Variants in SHISA3 observed in about 807,000 individuals in gnomAD.
SHISA3 encodes the protein protein shisa-3 homolog.
A neutral mutation model predicts 19.2 loss-of-function variants in SHISA3; 15 were observed. The observed-to-expected ratio is 0.78, with a 90% CI of 0.52 to 1.20. SHISA3 has a LOEUF of 1.20. Ranked by LOEUF, SHISA3 falls within the 50% of genes most tolerant of loss-of-function variation. The pLI, the probability that SHISA3 is intolerant of heterozygous loss-of-function variation, is 0.00. For synonymous variants in SHISA3, 145 were observed against 135.2 expected (o/e 1.07, Z -0.50); for missense variants, 327 against 315.7 (o/e 1.04, Z -0.27).
At position 42,398,008 on chromosome 4, in the gene SHISA3, C is replaced by G; in HGVS notation, c.-49C>G. 1.4e-6 allele frequency: 2 copies of G among 1,467,036 alleles called. No homozygotes were observed. The highest frequency in any genetic ancestry group is 9.0e-7 in the Non-Finnish European group (1 of 1,110,660). 90.9% of individuals were successfully genotyped at this position (1,467,036 alleles called of 1,614,324 possible). A position where few individuals can be genotyped will look rare whatever the true frequency, so the allele number is the denominator to read the frequency against. On this transcript the variant is annotated 5_prime_UTR_variant, in exon 1 of 2. Transcript: ENST00000319234. ...CGCCCTGAGCCCGGGCTCAGCCCTT[C>G]GCTTTCCAGCTGCGTCCTGCTCCCG...
intron 1 of SHISA3, 85 bp downstream of exon 1, chr4:42,398,418 G>T (rs900907592): frequency 1.4e-6 from 2 of 1,384,360 alleles, no homozygotes; most frequent in East Asian, 5.1e-5. Context: ...ACAGACCCAG[G>T]CAGGTCTATG....
In SHISA3 at chr4:42,397,521, C is replaced by T. The variant is rs1395974201; in HGVS notation, c.-536C>T. On this transcript the variant is annotated 5_prime_UTR_variant, in exon 1 of 2. Coordinates refer to ENST00000319234, the MANE Select transcript of SHISA3 (RefSeq NM_001080505.3). ...CGCGGCCGTTTGTACTTGGCCGCGGCGGAGCTGACTCCTGCTCCTGTGACA... is the reference window on the plus strand; with the variant it reads ...CGCGGCCGTTTGTACTTGGCCGCGGTGGAGCTGACTCCTGCTCCTGTGACA... 6.6e-6 allele frequency among the ~76,000 whole-genome samples: 1 copy of T among 152,216 alleles called. No homozygotes were observed. The highest frequency in any genetic ancestry group is 1.9e-4 in the East Asian group (1 of 5,186).
rs775682458 is a variant in SHISA3 at position 42,401,298 on chromosome 4, G to C, written c.564G>C (p.Leu188=). The C allele has an allele frequency of 6.2e-7, 1 of 1,614,096 alleles. No homozygotes were observed. The change falls in exon 2 of 2, where the codon CTG becomes CTC. Residue 188 remains leucine, a synonymous_variant. Transcript: ENST00000319234. ...TTGCCAGGGCTGAGCCGGGCTGCCTGGTGCCCTCACCGCCCCCGCCATACA... is the reference window on the plus strand; with the variant it reads ...TTGCCAGGGCTGAGCCGGGCTGCCTCGTGCCCTCACCGCCCCCGCCATACA... ...FSFARAEPGC[L]VPSPPPPYTT...
intron 1 of SHISA3, among the ~76,000 whole-genome samples, chr4:42,398,624 G>C (rs569110751): frequency 2.0e-5 from 3 of 152,122 alleles, no homozygotes; most frequent in Non-Finnish European, 4.4e-5. Flanking sequence ...CCTGGTAGCC[G>C]GGGGGAAGAC....
Position 42,402,202 on chromosome 4 carries a change from T to C in SHISA3, c.*751T>C, listed in dbSNP as rs1711943141. The C allele has an allele frequency of 6.6e-6, 1 of 152,208 alleles. No homozygotes were observed. Among genetic ancestry groups the C allele is most frequent in the Admixed American group, 6.5e-5 (1 of 15,286 alleles). 9.4% of individuals were successfully genotyped at this position (152,208 alleles called of 1,614,324 possible). ...GCAACATTTAGTGTTTCAGTGAAAG[T>C]TGGACAGTTGGGGCTTAAAACATTT... On this transcript the variant is annotated 3_prime_UTR_variant, in exon 2 of 2. Transcript: ENST00000319234.
chr4:42,398,628 G>A (rs981494370), intron 1 of SHISA3, among the ~76,000 whole-genome samples: 10 of 152,276 alleles, frequency 6.6e-5, no homozygotes, highest in African/African-American at 2.2e-4. Context: ...GTAGCCGGGG[G>A]GAAGACAGCT....
rs1711764794 is a variant in SHISA3, at chr4:42,397,558, G to A, written c.-499G>A. Among the ~76,000 whole-genome samples the A allele has an allele frequency of 6.6e-6, 1 of 152,180 alleles. No homozygotes were observed. Among genetic ancestry groups the A allele is most frequent in the Admixed American group, 6.5e-5 (1 of 15,288 alleles). On this transcript the variant is annotated 5_prime_UTR_variant, in exon 1 of 2. Transcript: ENST00000319234. ...CTGCTCCTGTGACAGATAGGGGCTG[G>A]GGCTGAGCGGCCGCCTGTCTGGGGT...
In SHISA3 at chr4:42,398,327, A is replaced by G. The variant is rs1454272136; in HGVS notation, c.271A>G (p.Thr91Ala). Residue 91 changes from threonine to alanine, a missense_variant, in exon 1 of 2, where the codon ACT (threonine) becomes GCT (alanine). By Grantham distance (58) the Thr-to-Ala change is moderately conservative. Transcript: ENST00000319234. ...CCGCGAACTGGAGCACCCAGGCATC[A>G]CTGCGCGTAAGTGCGGGGCCCTCGG... The part of the protein sequence containing the change: ...DRRELEHPGI[T>A]AQPVYVPFLI... The G allele has an allele frequency of 6.4e-7, 1 of 1,551,926 alleles. No homozygotes were observed. Among genetic ancestry groups the G allele is most frequent in the East Asian group, 2.4e-5 (1 of 41,528 alleles).
At position 42,398,156 on chromosome 4, in the gene SHISA3, G is replaced by T. The variant is rs1201985292; in HGVS notation, c.100G>T (p.Val34Leu). 1.9e-6 allele frequency: 3 copies of T among 1,606,186 alleles called. No individual in the cohort carries two copies. In the African/African-American group the frequency reaches 4.0e-5, roughly 21 times the overall value. Reference protein sequence around the residue: ...SGEYCHGWVDVQGNYHEGFQC... With the variant: ...SGEYCHGWVDLQGNYHEGFQC... Reference sequence around the variant, plus strand: ...AGAGTACTGCCACGGCTGGGTGGACGTGCAGGGCAACTACCACGAGGGCTT... The same window carrying T: ...AGAGTACTGCCACGGCTGGGTGGACTTGCAGGGCAACTACCACGAGGGCTT... Residue 34 changes from valine (V) to leucine (L), a missense_variant, in exon 1 of 2, where the codon GTG becomes TTG. Physicochemically the swap from Val to Leu is conservative, Grantham distance 32. Coordinates refer to ENST00000319234, the MANE Select transcript of SHISA3 (RefSeq NM_001080505.3).
chr4:42,399,603 G>A (rs1711849643), intron 1 of SHISA3, among the ~76,000 whole-genome samples: 1 of 152,240 alleles, frequency 6.6e-6, no homozygotes, highest in Non-Finnish European at 1.5e-5. Flanking sequence ...CGGCTCGGAT[G>A]CCAGAGGACA....
In SHISA3 at chr4:42,397,793, C is replaced by G. The variant is rs1711779010; in HGVS notation, c.-264C>G. 1.4e-5 allele frequency: 6 copies of G among 428,640 alleles called. No homozygotes were observed. Among genetic ancestry groups the G allele is most frequent in the Non-Finnish European group, 2.1e-5 (5 of 243,866 alleles). 26.6% of individuals were successfully genotyped at this position (428,640 alleles called of 1,614,324 possible). On this transcript the variant is annotated 5_prime_UTR_variant, in exon 1 of 2. Transcript: ENST00000319234. ...CGAAGGGCGGCAGCGACAGCCCCAGCAACTGCCTCTGCCGGCGCCTCCCGC... is the reference window on the plus strand; with the variant it reads ...CGAAGGGCGGCAGCGACAGCCCCAGGAACTGCCTCTGCCGGCGCCTCCCGC...
Position 42,400,410 on chromosome 4 carries a change from C to A in SHISA3, c.278-602C>A, listed in dbSNP as rs1285046868. On this transcript the variant is annotated intron_variant, in intron 1 of 1. Coordinates refer to ENST00000319234, the MANE Select transcript of SHISA3 (RefSeq NM_001080505.3). Reference sequence around the variant, plus strand: ...ATTCCAAATCTTTCCTGGAAAGAAGCAGCCAGAGCTGGCAATTTGTGGTGT... The same window carrying A: ...ATTCCAAATCTTTCCTGGAAAGAAGAAGCCAGAGCTGGCAATTTGTGGTGT... Among the ~76,000 whole-genome samples, 5 of 152,280 alleles carry A rather than the reference C, an allele frequency of 3.3e-5. No individual in the cohort carries two copies. In the East Asian group the frequency reaches 7.7e-4, roughly 24 times the overall value.
chr4:42,399,029 G>A (rs1711833194), intron 1 of SHISA3, among the ~76,000 whole-genome samples: 1 of 152,112 alleles, frequency 6.6e-6, no homozygotes, highest in Non-Finnish European at 1.5e-5. Flanking sequence ...GAAAACACGG[G>A]TCAAATTTCC....
intron 1 of SHISA3, among the ~76,000 whole-genome samples, chr4:42,400,193 A>G (rs562742702): frequency 9.8e-5 from 15 of 152,310 alleles, no homozygotes; most frequent in Non-Finnish European, 1.9e-4. Context: ...GCCCAAGGGG[A>G]TGCCTCCGGG....
rs756114988 is a variant in SHISA3 at position 42,397,816 on chromosome 4, C to A, written c.-241C>A. ...AGCAACTGCCTCTGCCGGCGCCTCC[C>A]GCAGGCCCTCGCCAACTCGCCCCGC... On this transcript the variant is annotated 5_prime_UTR_variant, in exon 1 of 2. Coordinates refer to ENST00000319234, the MANE Select transcript of SHISA3 (RefSeq NM_001080505.3). 1 of 441,542 alleles carries A rather than the reference C, an allele frequency of 2.3e-6. No individual in the cohort carries two copies. 27.4% of individuals were successfully genotyped at this position (441,542 alleles called of 1,614,324 possible). A position where few individuals can be genotyped will look rare whatever the true frequency, so the allele number is the denominator to read the frequency against.
Position 42,398,212 on chromosome 4 carries a change from C to T in SHISA3, c.156C>T (p.Asp52=). ...FQCPEDFDTL[D]ATICCGSCAL... is the part of the protein sequence containing the mutation. ...GCCCAGAGGACTTCGACACGCTGGACGCTACCATCTGCTGCGGCTCCTGCG... is the reference window on the plus strand; with the variant it reads ...GCCCAGAGGACTTCGACACGCTGGATGCTACCATCTGCTGCGGCTCCTGCG... Residue 52 remains aspartate (D), a synonymous_variant, in exon 1 of 2, where the codon GAC becomes GAT. Coordinates refer to ENST00000319234, the MANE Select transcript of SHISA3 (RefSeq NM_001080505.3). 6.2e-7 allele frequency: 1 copy of T among 1,600,218 alleles called. No individual in the cohort carries two copies.
chr4:42,397,761 A>G lies in SHISA3; in HGVS notation c.-296A>G. ...CGCCCCTCGCGCGGGGAGCGCTATG[A>G]GCCGGGCGAAGGGCGGCAGCGACAG... On this transcript the variant is annotated 5_prime_UTR_variant, in exon 1 of 2. It removes the in-frame stop codon of an upstream open reading frame in the 5' UTR. Transcript: ENST00000319234. 2.7e-6 allele frequency: 1 copy of G among 371,586 alleles called. No homozygotes were observed. Among genetic ancestry groups the G allele is most frequent in the Non-Finnish European group, 4.8e-6 (1 of 207,406 alleles). The allele number at this position is 371,586 out of a possible 1,614,324, so 23.0% of individuals were successfully genotyped here.
At position 42,398,182 on chromosome 4, in the gene SHISA3, C is replaced by T; in HGVS notation, c.126C>T (p.Phe42=). 2 of 1,606,730 alleles carry T rather than the reference C, an allele frequency of 1.2e-6. No individual in the cohort carries two copies. Residue 42 remains phenylalanine, a synonymous_variant, in exon 1 of 2, where the codon TTC becomes TTT. Transcript: ENST00000319234. The part of the protein sequence containing the change: ...VDVQGNYHEG[F]QCPEDFDTLD... ...TGCAGGGCAACTACCACGAGGGCTT[C>T]CAGTGCCCAGAGGACTTCGACACGC... is the stretch of plus-strand genomic sequence containing the variant.
Position 42,397,971 on chromosome 4 carries a change from G to T in SHISA3, c.-86G>T. The T allele has an allele frequency of 7.6e-7, 1 of 1,314,694 alleles. No homozygotes were observed. Among genetic ancestry groups the T allele is most frequent in the Non-Finnish European group, 1.0e-6 (1 of 991,198 alleles). The allele number at this position is 1,314,694 out of a possible 1,614,324, so 81.4% of individuals were successfully genotyped here. A position where few individuals can be genotyped will look rare whatever the true frequency, so the allele number is the denominator to read the frequency against. Reference sequence around the variant, plus strand: ...GCTTGCGACGTGTCCCTGGGGAGGCGGAATCGCTGTGCGCCCTGAGCCCGG... The same window carrying T: ...GCTTGCGACGTGTCCCTGGGGAGGCTGAATCGCTGTGCGCCCTGAGCCCGG... On this transcript the variant is annotated 5_prime_UTR_variant, in exon 1 of 2. Coordinates refer to ENST00000319234, the MANE Select transcript of SHISA3 (RefSeq NM_001080505.3).
Sources: allele counts gnomAD v4.1 joint callset (sites outside exome capture counted in the v4.1 genomes callset), GRCh38; gene constraint gnomAD v4.1.1; transcripts MANE v1.5; gene names NCBI Gene and HGNC (gene_info 2026-07-23, HGNC 2026-07-21).